Variants in COL4A4 observed in about 807,000 individuals in gnomAD.
The protein encoded by COL4A4 is collagen alpha-4(IV) chain.
Under a neutral mutation model 192.9 loss-of-function variants are expected in COL4A4, and 105 were observed. The ratio of observed to expected loss-of-function variants is 0.54; its 90% CI spans 0.46 to 0.64. The LOEUF (loss-of-function observed/expected upper bound fraction) is 0.64, where lower values mean the gene tolerates loss of function less well. Among genes scored for constraint, COL4A4 ranks in the 30% least tolerant of loss-of-function variants. The probability of loss-of-function intolerance (pLI) is 0.00; values close to 1 mark genes in which losing one functional copy is unlikely to be tolerated. For synonymous variants in COL4A4, 762 were observed against 769.9 expected (o/e 0.99, Z 0.17); for missense variants, 1,967 against 2,169.3 (o/e 0.91, Z 1.85).
Position 227,123,477 on chromosome 2 carries a change from G to A in COL4A4, c.193-2329C>T, listed in dbSNP as rs775220024. Among the ~76,000 whole-genome samples, 41 of 152,316 alleles carry A rather than the reference G, an allele frequency of 2.7e-4. No homozygotes were observed. Among genetic ancestry groups the A allele is most frequent in the Middle Eastern group, 3.4e-3 (1 of 294 alleles). ...AGGAGGTGCAGGTCAGGAACAGAGC[G>A]CGACCCACGGAAGTGAAGGCAGCCA... On this transcript the variant is annotated intron_variant, in intron 4 of 47. Transcript: ENST00000396625. The surrounding 1 kb of genome is among the most constrained non-coding windows in gnomAD (Gnocchi z 4.6).
At chr2:227,112,939 C>T (rs1576604847) in intron 8 of COL4A4, among the ~76,000 whole-genome samples, 2 of 152,094 alleles carry the variant, frequency 1.3e-5, no homozygotes, top group East Asian at 3.9e-4. Flanking sequence ...ATGAATATAC[C>T]ACATTTTGTT....
chr2:227,108,807 G>A (rs758395764), intron 11 of COL4A4, 26 bp downstream of exon 11: 1 of 1,609,056 alleles, frequency 6.2e-7, no homozygotes, highest in Admixed American at 1.7e-5. Flanking sequence ...GGGCTCTATT[G>A]ATGTATCTTG....
At position 227,096,738 on chromosome 2, in the gene COL4A4, G is replaced by A. The variant is rs181390625; in HGVS notation, c.1204+1956C>T. Among the ~76,000 whole-genome samples the A allele has an allele frequency of 2.0e-5, 3 of 152,238 alleles. No homozygotes were observed. The East Asian group carries it at 5.8e-4, about 29-fold the overall frequency. On this transcript the variant is annotated intron_variant, in intron 19 of 47. Coordinates refer to ENST00000396625, the MANE Select transcript of COL4A4 (RefSeq NM_000092.5). ...TCCAAGATCACACAGCTTGCAAGTA[G>A]GAGAAATTGGAACTTTTCTAGTTCA... is the stretch of plus-strand genomic sequence containing the variant.
chr2:227,136,428 C>T (rs2062817851), intron 4 of COL4A4, among the ~76,000 whole-genome samples: 1 of 152,196 alleles, frequency 6.6e-6, no homozygotes, highest in Non-Finnish European at 1.5e-5. Context: ...AGATTATCTT[C>T]AAGAGTGAAT....
the COL4A4 span, among the ~76,000 whole-genome samples, chr2:226,991,678 T>G: frequency 2.0e-5 from 3 of 152,230 alleles, no homozygotes; most frequent in Non-Finnish European, 4.4e-5. Flanking sequence ...AAGGAGCTAC[T>G]CAGTATTCCC....
intron 25 of COL4A4, among the ~76,000 whole-genome samples, chr2:227,075,343 A>G (rs914710841): frequency 5.3e-5 from 8 of 152,216 alleles, no homozygotes; most frequent in African/African-American, 1.2e-4. Flanking sequence ...ACATATGCAA[A>G]TCAATAAACA....
rs746637556 is a variant in COL4A4, at chr2:227,103,162, T to C, written c.852A>G (p.Pro284=). 1.2e-6 allele frequency: 2 copies of C among 1,613,064 alleles called. No individual in the cohort carries two copies. The highest frequency in any genetic ancestry group is 2.2e-5 in the South Asian group (2 of 90,722). The stretch of plus-strand genomic sequence containing the variant: ...AAACTACCTTGCGTCCTGGTGGTCC[T>C]GGCAGTCCAACCATTCCAGGAATTC... ...IKGIPGMVGL[P]GPPGRKGESG... The change falls in exon 14 of 48, where the codon CCA becomes CCG. Residue 284 remains proline (P), a synonymous_variant. Transcript: ENST00000396625.
chr2:227,030,916 AGATG>A (rs10689496), intron 40 of COL4A4, among the ~76,000 whole-genome samples: 10,819 of 145,828 alleles, frequency 0.074, 497 homozygotes, highest in African/African-American at 0.13. Context: ...TGCTTTAATA[AGATG>A]GATGGATGGA....
rs2061935109 is a variant in COL4A4, at chr2:227,123,767, AC to A, written c.193-2620del. Among the ~76,000 whole-genome samples the A allele has an allele frequency of 6.6e-6, 1 of 152,082 alleles. No individual in the cohort carries two copies. Among genetic ancestry groups the A allele is most frequent in the African/African-American group, 2.4e-5 (1 of 41,398 alleles). ...AACAGGTCTGAGGAAGACGTGTGGG[AC>A]CCCAAAAGCACGTGCAAGCTGCCAG... is the stretch of plus-strand genomic sequence containing the variant. On this transcript the variant is annotated intron_variant, in intron 4 of 47. Transcript: ENST00000396625. This position sits in a 1 kb window ranked among gnomAD's most constrained non-coding sequence, Gnocchi z 4.6.
At chr2:227,043,263 A>G in intron 35 of COL4A4, 79 bp from the exon 36 acceptor site, 1 of 1,141,764 alleles carries the variant, frequency 8.8e-7, no homozygotes, top group Non-Finnish European at 1.3e-6. Context: ...AGCCCACCCT[A>G]TTCTTTTCTA....
At chr2:227,094,623 T>A (rs1167518771) in intron 19 of COL4A4, among the ~76,000 whole-genome samples, 1 of 152,212 alleles carries the variant, frequency 6.6e-6, no homozygotes, top group Non-Finnish European at 1.5e-5. Flanking sequence ...AGAGATCTAC[T>A]GTACAGCGTG....
At chr2:227,049,679 T>G (rs1309368055) in intron 34 of COL4A4, among the ~76,000 whole-genome samples, 2 of 152,252 alleles carry the variant, frequency 1.3e-5, no homozygotes, top group African/African-American at 4.8e-5. Flanking sequence ...GCTGTACTTA[T>G]GAAGTCCTTA....
the COL4A4 span, among the ~76,000 whole-genome samples, chr2:226,979,299 C>T: frequency 1.3e-5 from 2 of 152,098 alleles, no homozygotes; most frequent in Non-Finnish European, 2.9e-5. Flanking sequence ...AAAGATAAGG[C>T]TTATGGACAC....
chr2:227,050,105 AG>A lies in COL4A4; in HGVS notation c.3176del (p.Pro1059LeufsTer82). The A allele has an allele frequency of 1.2e-6, 2 of 1,614,218 alleles. No individual in the cohort carries two copies. The highest frequency in any genetic ancestry group is 1.7e-6 in the Non-Finnish European group (2 of 1,180,032). ...TTGCTCCATCAATTCCTGAAAATCC[AG>A]GGGGACCTGGAGAACCTGGCTCACC... The part of the protein sequence containing the change: ...DQGEPGSPGP[P>X]GFSGIDGARG... On this transcript the variant is annotated frameshift_variant, in exon 34 of 48. Transcript: ENST00000396625. LOFTEE classifies it high-confidence loss of function.
At chr2:226,973,165 G>A in the COL4A4 span, among the ~76,000 whole-genome samples, 1 of 152,138 alleles carries the variant, frequency 6.6e-6, no homozygotes. Flanking sequence ...GTATGTGTGT[G>A]TACGGAACTA....
chr2:227,121,426 A>T (rs1254827854), intron 4 of COL4A4, among the ~76,000 whole-genome samples: 8 of 152,026 alleles, frequency 5.3e-5, no homozygotes, highest in Non-Finnish European at 8.8e-5. Flanking sequence ...TTAGCTGGGC[A>T]TGGTGGCGTG....
At chr2:227,072,531 G>T (rs1182556713) in intron 25 of COL4A4, among the ~76,000 whole-genome samples, 1 of 151,674 alleles carries the variant, frequency 6.6e-6, no homozygotes, top group African/African-American at 2.4e-5. Context: ...TGATAAAGAA[G>T]GCATCCTCCC....
chr2:227,147,197 T>G, intron 2 of COL4A4: 3 of 679,370 alleles, frequency 4.4e-6, no homozygotes, highest in South Asian at 4.1e-5. Context: ...CTTGTGCAAC[T>G]TCCCATTTGG....
intron 36 of COL4A4, 28 bp downstream of exon 36, chr2:227,043,049 G>C: frequency 6.6e-7 from 1 of 1,511,148 alleles, no homozygotes; most frequent in East Asian, 2.3e-5. Context: ...GAGTGCTCAG[G>C]AAGTCTCCAG....
Sources: gnomAD v4.1 joint callset for allele counts (sites outside exome capture counted in the v4.1 genomes callset) on GRCh38, gnomAD v4.1.1 for gene constraint, Gnocchi (gnomAD v3.1) non-coding constraint, MANE v1.5 for transcripts, NCBI Gene and HGNC (gene_info 2026-07-23, HGNC 2026-07-21) for gene names.